PRICKLE2: variants seen among roughly 807,000 people sequenced by gnomAD.
The protein encoded by PRICKLE2 is prickle-like protein 2.
PRICKLE2 carries 21 observed loss-of-function variants against 81.4 expected under a neutral mutation model. The observed-to-expected ratio is 0.26, with a 90% confidence interval of 0.18 to 0.37. The LOEUF is 0.37. Among genes scored for constraint, PRICKLE2 ranks in the 10% least tolerant of loss-of-function variants. The pLI is 1.00. For missense variants in PRICKLE2, 940 were observed against 1,109.0 expected (o/e 0.85, Z 2.16); for synonymous variants, 456 against 421.5 (o/e 1.08, Z -1.00).
intron 7 of PRICKLE2, chr3:64,104,495 G>T (rs1575538936): frequency 6.6e-6 from 1 of 152,358 alleles, no homozygotes; most frequent in East Asian, 1.9e-4. Flanking sequence ...AAGCCCAGAA[G>T]TGAAATGTTT....
chr3:64,212,241 T>C (rs908930197), intron 1 of PRICKLE2, among the ~76,000 whole-genome samples: 13 of 152,222 alleles, frequency 8.5e-5, no homozygotes, highest in African/African-American at 2.7e-4. Context: ...GAATAAACCA[T>C]GGTAGATAGA....
intron 2 of PRICKLE2, among the ~76,000 whole-genome samples, chr3:64,192,686 T>C (rs902329237): frequency 6.6e-6 from 1 of 152,208 alleles, no homozygotes; most frequent in Non-Finnish European, 1.5e-5. Flanking sequence ...GACAATGCTT[T>C]GGAAAGCCAA....
chr3:64,171,665 C>A (rs1334143500), intron 2 of PRICKLE2, among the ~76,000 whole-genome samples: 3 of 152,208 alleles, frequency 2.0e-5, no homozygotes, highest in South Asian at 2.1e-4. Context: ...ACCTTTCTAG[C>A]TGTCTGGGTT....
Position 64,198,940 on chromosome 3 carries a change from G to C in PRICKLE2, c.-13C>G, listed in dbSNP as rs750990245. ...TCACTGTCACCATGTGCTCCTCCTGGGGACACTTGCAGTGCAGGCAGATCT... is the reference window on the plus strand; with the variant it reads ...TCACTGTCACCATGTGCTCCTCCTGCGGACACTTGCAGTGCAGGCAGATCT... On this transcript the variant is annotated 5_prime_UTR_variant, in exon 2 of 8. Coordinates refer to ENST00000638394, the MANE Select transcript of PRICKLE2 (RefSeq NM_198859.4). The C allele has an allele frequency of 1.7e-5, 27 of 1,614,044 alleles. No individual in the cohort carries two copies. Among genetic ancestry groups the C allele is most frequent in the Middle Eastern group, 1.6e-4 (1 of 6,062 alleles).
At chr3:64,253,499 T>C (rs2079479490) in intron 2 of PRICKLE2, among the ~76,000 whole-genome samples, 1 of 152,176 alleles carries the variant, frequency 6.6e-6, no homozygotes, top group East Asian at 1.9e-4. Context: ...GTCACATACA[T>C]TAAAAGATTG....
In PRICKLE2 at chr3:64,099,397, C is replaced by T. The variant is rs1460128374; in HGVS notation, c.2189G>A (p.Arg730Gln). 3.7e-6 allele frequency: 6 copies of T among 1,601,182 alleles called. No individual in the cohort carries two copies. The highest frequency in any genetic ancestry group is 1.1e-5 in the South Asian group (1 of 90,450). The change falls in exon 8 of 8, where the codon CGG becomes CAG. Residue 730 changes from arginine to glutamine, a missense_variant. This residue lies in a region of PRICKLE2 where 670 missense variants were observed against 717.2 expected (regional missense o/e 0.93). Coordinates refer to ENST00000638394, the MANE Select transcript of PRICKLE2 (RefSeq NM_198859.4). This position sits in a 1 kb window ranked among gnomAD's most constrained non-coding sequence, Gnocchi z 4.3. ...REDYDQFMRQRSFQESMGHGS... is the reference protein window; with the variant it reads ...REDYDQFMRQQSFQESMGHGS... ...ATGCCCCATGCTCTCCTGGAAGCTC[C>T]GCTGGCGCATAAATTGGTCATAGTC...
chr3:64,221,492 T>C (rs2078953931), intron 1 of PRICKLE2, among the ~76,000 whole-genome samples: 1 of 151,626 alleles, frequency 6.6e-6, no homozygotes, highest in Non-Finnish European at 1.5e-5. Flanking sequence ...GAACATTTCA[T>C]TTTAAATGTT....
intron 1 of PRICKLE2, among the ~76,000 whole-genome samples, chr3:64,223,152 C>G (rs948767209): frequency 2.0e-5 from 3 of 152,204 alleles, no homozygotes; most frequent in African/African-American, 7.2e-5. Context: ...CTTTTCAATA[C>G]TGTTTTTTAG....
chr3:64,097,870 GA>G lies in PRICKLE2; in HGVS notation c.*1180del, dbSNP rs1435519207. 6.6e-6 allele frequency: 1 copy of G among 152,512 alleles called. No individual in the cohort carries two copies. The highest frequency in any genetic ancestry group is 1.5e-5 in the Non-Finnish European group (1 of 68,110). 9.4% of individuals were successfully genotyped at this position (152,512 alleles called of 1,614,324 possible). ...AGATTCTCCTTTAACTTCTACCCTT[GA>G]CCTGCCTTCTGTTTTCAAATAGCCT... On this transcript the variant is annotated 3_prime_UTR_variant, in exon 8 of 8. Transcript: ENST00000638394.
intron 7 of PRICKLE2, among the ~76,000 whole-genome samples, chr3:64,110,130 G>C (rs1304748543): frequency 6.6e-6 from 1 of 152,198 alleles, no homozygotes; most frequent in Non-Finnish European, 1.5e-5. Flanking sequence ...TTGCCACAAA[G>C]CATATTGCTA....
chr3:64,224,055 T>A (rs964014118), intron 1 of PRICKLE2, among the ~76,000 whole-genome samples: 49 of 152,172 alleles, frequency 3.2e-4, no homozygotes, highest in African/African-American at 1.2e-3. Context: ...GAAGCAGAAC[T>A]CTCTCACTGG....
chr3:64,197,970 G>C (rs1293796742), intron 2 of PRICKLE2, among the ~76,000 whole-genome samples: 2 of 152,108 alleles, frequency 1.3e-5, no homozygotes, highest in Non-Finnish European at 2.9e-5. Flanking sequence ...CCAGCACTTT[G>C]GGAGGCCAAC....
intron 7 of PRICKLE2, among the ~76,000 whole-genome samples, chr3:64,117,464 C>T (rs1180140706): frequency 6.6e-6 from 1 of 152,146 alleles, no homozygotes; most frequent in East Asian, 1.9e-4. Flanking sequence ...ACAGTCCCAG[C>T]CCACAAGCTT....
chr3:64,256,455 T>C (rs1314144105), intron 2 of PRICKLE2, among the ~76,000 whole-genome samples: 1 of 152,184 alleles, frequency 6.6e-6, no homozygotes, highest in Non-Finnish European at 1.5e-5. Flanking sequence ...TAGTCTTGAT[T>C]TTGCCTCTTG....
At chr3:64,238,439 A>G (rs1170989315) in intron 2 of PRICKLE2, among the ~76,000 whole-genome samples, 2 of 151,068 alleles carry the variant, frequency 1.3e-5, no homozygotes, top group Non-Finnish European at 2.9e-5. Flanking sequence ...GTGAACCGAG[A>G]TCACGCCACT....
intron 2 of PRICKLE2, among the ~76,000 whole-genome samples, chr3:64,262,573 T>C (rs2079631672): frequency 6.8e-6 from 1 of 147,350 alleles, no homozygotes; most frequent in African/African-American, 2.5e-5. Flanking sequence ...AAGGGAGCAA[T>C]AAAGATGAAA....
intron 6 of PRICKLE2, among the ~76,000 whole-genome samples, chr3:64,151,783 G>C (rs1447475003): frequency 6.6e-6 from 1 of 152,062 alleles, no homozygotes; most frequent in Non-Finnish European, 1.5e-5. Context: ...CTAACTCTTA[G>C]CAAAAAGAAG....
chr3:64,238,853 A>T (rs1440240754), intron 2 of PRICKLE2, among the ~76,000 whole-genome samples: 1 of 152,208 alleles, frequency 6.6e-6, no homozygotes, highest in Non-Finnish European at 1.5e-5. Context: ...GTATAAACAC[A>T]CTATCAATCT....
chr3:64,150,345 A>G (rs2077525285), intron 6 of PRICKLE2, among the ~76,000 whole-genome samples: 1 of 152,092 alleles, frequency 6.6e-6, no homozygotes, highest in Admixed American at 6.6e-5. Context: ...CCCCATCAGT[A>G]CAATGGGGAT....
Sources: gnomAD v4.1 joint callset for allele counts (sites outside exome capture counted in the v4.1 genomes callset) on GRCh38, gnomAD v4.1.1 for gene constraint, gnomAD v4.1.1 regional missense constraint, Gnocchi (gnomAD v3.1) non-coding constraint, MANE v1.5 for transcripts, NCBI Gene and HGNC (gene_info 2026-07-23, HGNC 2026-07-21) for gene names.